ATP2C1: variants seen among roughly 807,000 people sequenced by gnomAD.
The protein encoded by ATP2C1 is calcium-transporting ATPase type 2C member 1.
Under a neutral mutation model 120.5 loss-of-function variants are expected in ATP2C1, and 31 were observed. That is an observed-to-expected ratio of 0.26 (90% confidence interval 0.19 to 0.35). The LOEUF (loss-of-function observed/expected upper bound fraction) is 0.35. Ranked by LOEUF, ATP2C1 falls within the 10% of genes least tolerant of loss-of-function variation. The pLI, the probability that ATP2C1 is intolerant of heterozygous loss-of-function variation, is 1.00. For synonymous variants in ATP2C1, 351 were observed against 358.7 expected, an observed-to-expected ratio of 0.98 and a Z score of 0.24; for missense variants, 731 against 1,107.5, an observed-to-expected ratio of 0.66 and a Z score of 4.83.
upstream of ATP2C1, among the ~76,000 whole-genome samples, chr3:130,890,445 C>T (rs1052991860): frequency 6.6e-6 from 1 of 152,160 alleles, no homozygotes; most frequent in African/African-American, 2.4e-5. Context: ...AATGGAGAGA[C>T]TATGTCATAC....
chr3:130,899,498 T>A (rs568513295), intron 2 of ATP2C1: 1 of 152,250 alleles, frequency 6.6e-6, no homozygotes, highest in Non-Finnish European at 1.5e-5. Context: ...TCGCTTTGAG[T>A]AGGCTGAAGA....
chr3:130,940,637 G>A lies in ATP2C1; in HGVS notation c.368G>A (p.Arg123His), dbSNP rs1420871601. ...TTTTTTTTGTTTGAATAGGAATATC[G>A]TTCAGAAAAATCTCTTGAAGAATTG... ...VVTVAFVQEY[R>H]SEKSLEELSK... The change falls in exon 7 of 28, where the codon CGT (arginine) becomes CAT (histidine). Residue 123 changes from arginine to histidine, a missense_variant. Physicochemically the swap from Arg to His is conservative, Grantham distance 29 (BLOSUM62 0). Around this residue, in one of 3 missense-constraint regions of ATP2C1, gnomAD observed 571 missense variants for 845.9 expected, o/e 0.67. Transcript: ENST00000510168. The A allele has an allele frequency of 2.5e-6, 4 of 1,609,310 alleles. No homozygotes were observed. The highest frequency in any genetic ancestry group is 1.3e-5 in the African/African-American group (1 of 74,946).
chr3:130,880,926 G>A (rs886243124), intron 1 of ATP2C1, among the ~76,000 whole-genome samples: 3 of 152,142 alleles, frequency 2.0e-5, no homozygotes, highest in Admixed American at 1.3e-4. Flanking sequence ...ATTTCTGCAG[G>A]GGGCCTGGAA....
upstream of ATP2C1, among the ~76,000 whole-genome samples, chr3:130,892,720 G>C (rs1457468182): frequency 1.3e-5 from 2 of 151,306 alleles, no homozygotes; most frequent in Non-Finnish European, 2.9e-5. Flanking sequence ...GTTAAGACTA[G>C]AAATCTACTT....
chr3:130,949,544 G>A (rs767134376), intron 8 of ATP2C1, among the ~76,000 whole-genome samples: 1 of 152,148 alleles, frequency 6.6e-6, no homozygotes, highest in Non-Finnish European at 1.5e-5. Context: ...AGAAGCTGCA[G>A]CAAGTTATTC....
intron 20 of ATP2C1, among the ~76,000 whole-genome samples, chr3:130,987,333 A>G (rs1263835352): frequency 1.3e-5 from 2 of 151,360 alleles, no homozygotes; most frequent in African/African-American, 4.9e-5. Flanking sequence ...TTTTTGAGAC[A>G]GAGTCTCCTG....
intron 2 of ATP2C1, among the ~76,000 whole-genome samples, chr3:130,913,531 C>A (rs1233213673): frequency 1.3e-5 from 2 of 152,142 alleles, no homozygotes; most frequent in African/African-American, 4.8e-5. Context: ...GACTGTACAG[C>A]CTTACTGTAC....
intron 26 of ATP2C1, chr3:131,014,272 T>C: frequency 6.2e-7 from 1 of 1,614,146 alleles, no homozygotes. Flanking sequence ...CTTGTGGCAT[T>C]GAATAGATAT....
rs973401417 is a variant in ATP2C1 at position 130,979,359 on chromosome 3, G to A, written c.1681G>A (p.Ala561Thr). Residue 561 changes from alanine to threonine, a missense_variant, in exon 19 of 28, where the codon GCC becomes ACC. Physicochemically the swap from Ala to Thr is moderately conservative, Grantham distance 58 (BLOSUM62 0). Around this residue, in one of 3 missense-constraint regions of ATP2C1, gnomAD observed 571 missense variants for 845.9 expected, o/e 0.67. Transcript: ENST00000510168. ...GAAAGAAGCTGTTACAACACTCATT[G>A]CCTCAGGAGTATCAATAAAAATGAT... ...GVKEAVTTLIASGVSIKMITG... is the reference protein window; with the variant it reads ...GVKEAVTTLITSGVSIKMITG... The A allele has an allele frequency of 3.1e-6, 5 of 1,613,686 alleles. No individual in the cohort carries two copies. In the African/African-American group the frequency reaches 5.3e-5, roughly 17 times the overall value.
intron 2 of ATP2C1, among the ~76,000 whole-genome samples, chr3:130,899,194 C>T (rs1229808119): frequency 6.6e-6 from 1 of 152,008 alleles, no homozygotes; most frequent in East Asian, 1.9e-4. Flanking sequence ...TACAGTTGAC[C>T]CTTGAACAAT....
chr3:130,980,993 T>C (rs1170861394), intron 20 of ATP2C1, among the ~76,000 whole-genome samples: 18 of 152,238 alleles, frequency 1.2e-4, no homozygotes, highest in Admixed American at 1.2e-3. Context: ...ATCATTGATT[T>C]ATACTTCTTA....
chr3:131,006,635 T>G (rs894226837), downstream of ATP2C1, among the ~76,000 whole-genome samples: 4 of 147,168 alleles, frequency 2.7e-5, no homozygotes, highest in South Asian at 2.2e-4. Context: ...TAGTGTGTGT[T>G]TGTGTGTGTG....
intron 22 of ATP2C1, 106 bp downstream of exon 22, chr3:130,994,204 G>C: frequency 7.3e-7 from 1 of 1,374,146 alleles, no homozygotes; most frequent in Non-Finnish European, 1.0e-6. Context: ...TTAAACATTA[G>C]GTAAACTAAA....
At position 130,869,937 on chromosome 3, in the gene ATP2C1, A is replaced by G. The variant is rs531596931; in HGVS notation, c.108+19009A>G. On this transcript the variant is annotated intron_variant, in intron 1 of 26. Coordinates refer to the ATP2C1 transcript ENST00000504381. ...TGAAGGTGGCTATACTAAATAATAGATTTTCAATGTGGATAAAAAGCCACA... is the reference window on the plus strand; with the variant it reads ...TGAAGGTGGCTATACTAAATAATAGGTTTTCAATGTGGATAAAAAGCCACA... Among the ~76,000 whole-genome samples the G allele has an allele frequency of 3.3e-5, 5 of 152,352 alleles. No homozygotes were observed. In the South Asian group the frequency reaches 1.0e-3, roughly 32 times the overall value.
At chr3:130,860,028 A>G (rs2067965973) in intron 1 of ATP2C1, among the ~76,000 whole-genome samples, 1 of 152,242 alleles carries the variant, frequency 6.6e-6, no homozygotes, top group African/African-American at 2.4e-5. Flanking sequence ...TCACCTCCTC[A>G]TAAAGTGATG....
chr3:130,981,510 T>A (rs146146833), intron 20 of ATP2C1, among the ~76,000 whole-genome samples: 4 of 152,344 alleles, frequency 2.6e-5, no homozygotes, highest in African/African-American at 7.2e-5. Context: ...GTGTACAGGC[T>A]TTTGCAGTTT....
chr3:130,965,051 C>T lies in ATP2C1; in HGVS notation c.1122+6C>T. ...CAGATGGTCTGCATGCTGAGGTACT[C>T]TATAGGTTTTTAAAAACAAACAAAA... On this transcript the variant is annotated splice_donor_region_variant and intron_variant, in intron 14 of 27. Transcript: ENST00000510168. 6.3e-7 allele frequency: 1 copy of T among 1,596,750 alleles called. No individual in the cohort carries two copies. Among genetic ancestry groups the T allele is most frequent in the Non-Finnish European group, 8.6e-7 (1 of 1,164,982 alleles).
downstream of ATP2C1, among the ~76,000 whole-genome samples, chr3:131,004,665 A>C (rs1181097249): frequency 6.6e-6 from 1 of 152,236 alleles, no homozygotes; most frequent in Non-Finnish European, 1.5e-5. Context: ...TCCTCAAAGA[A>C]ATTTGTCATA....
intron 8 of ATP2C1, among the ~76,000 whole-genome samples, chr3:130,944,881 T>A (rs2060074560): frequency 6.6e-6 from 1 of 152,226 alleles, no homozygotes; most frequent in African/African-American, 2.4e-5. Flanking sequence ...TGAGTAGTAT[T>A]TATATATAAC....
Sources: allele counts gnomAD v4.1 joint callset (sites outside exome capture counted in the v4.1 genomes callset), GRCh38; gene constraint gnomAD v4.1.1; regional missense constraint gnomAD v4.1.1; transcripts MANE v1.5; gene names NCBI Gene and HGNC (gene_info 2026-07-23, HGNC 2026-07-21).